The following SAMMSON variants were observed in gnomAD, a reference collection of about 807,000 sequenced individuals.
The protein encoded by SAMMSON is survival associated mitochondrial melanoma specific oncogenic non-coding RNA, also known as long intergenic non-protein coding RNA 1212.
At chr3:70,196,638 A>T (rs1419316853) in intron 4 of SAMMSON, among the ~76,000 whole-genome samples, 1 of 152,192 alleles carries the variant, frequency 6.6e-6, no homozygotes, top group African/African-American at 2.4e-5. Context: ...ATGCTATTTT[A>T]TAGTCAAGAA....
chr3:70,267,437 C>G (rs1701926674), intron 6 of SAMMSON, among the ~76,000 whole-genome samples: 1 of 111,566 alleles, frequency 9.0e-6, no homozygotes, highest in African/African-American at 3.5e-5. Flanking sequence ...GAGTCTCGCT[C>G]TGTCACCCAG....
At chr3:70,409,359 A>G (rs1701200555) in intron 2 of SAMMSON, among the ~76,000 whole-genome samples, 2 of 152,326 alleles carry the variant, frequency 1.3e-5, no homozygotes, top group South Asian at 4.1e-4. Context: ...GATTAATTTC[A>G]TAAAATATGA....
At chr3:70,309,722 A>T (rs1187777781) in intron 7 of SAMMSON, among the ~76,000 whole-genome samples, 4 of 152,198 alleles carry the variant, frequency 2.6e-5, no homozygotes, top group Non-Finnish European at 4.4e-5. Context: ...ACTCATCCTG[A>T]TAATTCCCAA....
At chr3:70,141,523 C>A (rs1184835867) in intron 4 of SAMMSON, among the ~76,000 whole-genome samples, 2 of 151,940 alleles carry the variant, frequency 1.3e-5, no homozygotes, top group African/African-American at 4.8e-5. Context: ...CTTCTGGAAA[C>A]ACTCTCATAA....
At chr3:70,276,041 TA>T (rs1358408517) in intron 6 of SAMMSON, among the ~76,000 whole-genome samples, 2 of 151,826 alleles carry the variant, frequency 1.3e-5, no homozygotes, top group Non-Finnish European at 2.9e-5. Flanking sequence ...TTTCAAACTT[TA>T]AAAAAAAGTA....
chr3:70,144,043 G>A (rs2067538458), intron 4 of SAMMSON, among the ~76,000 whole-genome samples: 1 of 152,048 alleles, frequency 6.6e-6, no homozygotes, highest in African/African-American at 2.4e-5. Context: ...AGTTGCTGGA[G>A]TATGCATTGT....
chr3:70,245,714 T>TATAC lies in SAMMSON; in HGVS notation n.508-3392_508-3391insTACA, dbSNP rs1553648300. On this transcript the variant is annotated intron_variant and non_coding_transcript_variant, in intron 4 of 9. Transcript: ENST00000642114. ...ATATATATATATATATATATATATATACACATTCAAATGCAAAATAAAGCT... is the reference window on the plus strand; with the variant it reads ...ATATATATATATATATATATATATATATACACACATTCAAATGCAAAATAAAGCT... 3.1e-4 allele frequency among the ~76,000 whole-genome samples: 38 copies of TATAC among 123,934 alleles called. No individual in the cohort carries two copies. The East Asian group carries it at 4.9e-3, about 16-fold the overall frequency. 81.3% of individuals were successfully genotyped at this position (123,934 alleles called of 152,430 possible).
chr3:70,199,979 T>A (rs952640235), intron 4 of SAMMSON, among the ~76,000 whole-genome samples: 2 of 152,176 alleles, frequency 1.3e-5, no homozygotes, highest in Non-Finnish European at 2.9e-5. Context: ...TCCTCCTACT[T>A]TCTTTTATGG....
intron 4 of SAMMSON, among the ~76,000 whole-genome samples, chr3:70,079,364 G>A (rs533320916): frequency 2.6e-5 from 4 of 152,156 alleles, no homozygotes; most frequent in South Asian, 4.2e-4. Flanking sequence ...GCTACAAATC[G>A]AGGCTTCCCC....
intron 2 of SAMMSON, among the ~76,000 whole-genome samples, chr3:70,420,941 AT>A (rs59075076): frequency 0.41 from 62,220 of 151,058 alleles, 13,478 homozygotes; most frequent in East Asian, 0.65. Context: ...GTTTTGCTTT[AT>A]TTTTTTTTTA....
intron 7 of SAMMSON, among the ~76,000 whole-genome samples, chr3:70,310,078 G>C (rs1702441181): frequency 6.6e-6 from 1 of 152,050 alleles, no homozygotes; most frequent in African/African-American, 2.4e-5. Flanking sequence ...AGATTCATAA[G>C]AAAAACACAG....
At chr3:70,400,409 G>A (rs949417925) in intron 2 of SAMMSON, among the ~76,000 whole-genome samples, 2 of 152,028 alleles carry the variant, frequency 1.3e-5, no homozygotes, top group Admixed American at 6.6e-5. Flanking sequence ...GGTTTCGTTG[G>A]GTCCTCTTTC....
At chr3:70,204,236 CT>C (rs1701269024) in intron 4 of SAMMSON, among the ~76,000 whole-genome samples, 1 of 152,164 alleles carries the variant, frequency 6.6e-6, no homozygotes, top group Non-Finnish European at 1.5e-5. Flanking sequence ...GCAGTATTCT[CT>C]TTTCCCTTCT....
chr3:70,177,605 T>C (rs1168261242), intron 4 of SAMMSON, among the ~76,000 whole-genome samples: 2 of 152,168 alleles, frequency 1.3e-5, no homozygotes, highest in Non-Finnish European at 2.9e-5. Context: ...ACCTGGTATG[T>C]CACCTCATAT....
chr3:70,386,843 T>A (rs150426909), intron 9 of SAMMSON, among the ~76,000 whole-genome samples: 26 of 151,974 alleles, frequency 1.7e-4, no homozygotes, highest in African/African-American at 6.3e-4. Flanking sequence ...TGAAAAAAAA[T>A]GACACACAAG....
chr3:70,134,026 G>A (rs1010500315), intron 4 of SAMMSON, among the ~76,000 whole-genome samples: 3 of 149,562 alleles, frequency 2.0e-5, no homozygotes, highest in Admixed American at 6.7e-5. Context: ...GGCAGATCAC[G>A]AGGCCAGGAG....
intron 9 of SAMMSON, among the ~76,000 whole-genome samples, chr3:70,373,062 C>T (rs912465947): frequency 6.6e-6 from 1 of 152,034 alleles, no homozygotes; most frequent in South Asian, 2.1e-4. Flanking sequence ...ATGTATTACC[C>T]ACATTTTACT....
At chr3:70,286,822 T>C (rs1369062498) in intron 6 of SAMMSON, among the ~76,000 whole-genome samples, 1 of 152,210 alleles carries the variant, frequency 6.6e-6, no homozygotes, top group Non-Finnish European at 1.5e-5. Context: ...TTTGAAGCAA[T>C]TGCGAATGAG....
chr3:70,026,625 A>C (rs1238541638), intron 3 of SAMMSON, among the ~76,000 whole-genome samples: 1 of 152,214 alleles, frequency 6.6e-6, no homozygotes, highest in East Asian at 1.9e-4. Context: ...TTAAGATCAC[A>C]TAATATGATA....
Sources: allele counts gnomAD v4.1 joint callset (sites outside exome capture counted in the v4.1 genomes callset), GRCh38; gene constraint gnomAD v4.1.1; transcripts MANE v1.5; gene names NCBI Gene and HGNC (gene_info 2026-07-23, HGNC 2026-07-21).